Variants in SLC5A4 observed in about 807,000 individuals in gnomAD.
The protein encoded by SLC5A4 is solute carrier family 5 member 4, also known as probable glucose sensor protein SLC5A4.
A neutral mutation model predicts 70.3 loss-of-function variants in SLC5A4; 55 were observed. The observed-to-expected ratio is 0.78, with a 90% CI of 0.63 to 0.98. The LOEUF (loss-of-function observed/expected upper bound fraction) is 0.98, where lower values mean the gene tolerates loss of function less well. Ranked by LOEUF, SLC5A4 falls within the 50% of genes least tolerant of loss-of-function variation. The probability of loss-of-function intolerance (pLI) is 0.00; values close to 1 mark genes in which losing one functional copy is unlikely to be tolerated. For missense variants in SLC5A4, 735 were observed against 839.2 expected (o/e 0.88, Z 1.53); for synonymous variants, 268 against 305.7 (o/e 0.88, Z 1.29).
the SLC5A4 span, among the ~76,000 whole-genome samples, chr22:32,320,637 C>G: frequency 6.6e-5 from 10 of 152,322 alleles, no homozygotes; most frequent in East Asian, 1.5e-3. Context: ...ACGCTGAGCC[C>G]TCTGCCCTGA....
intron 5 of SLC5A4, among the ~76,000 whole-genome samples, chr22:32,244,313 T>C (rs972041163): frequency 2.6e-5 from 4 of 152,202 alleles, no homozygotes; most frequent in African/African-American, 9.6e-5. Flanking sequence ...TCTGCCTGCA[T>C]TTATAGCTGT....
At chr22:32,308,845 C>T in the SLC5A4 span, among the ~76,000 whole-genome samples, 1 of 152,050 alleles carries the variant, frequency 6.6e-6, no homozygotes, top group South Asian at 2.1e-4. Flanking sequence ...CCCATGTATG[C>T]ATATGTATGC....
the SLC5A4 span, among the ~76,000 whole-genome samples, chr22:32,300,090 G>C: frequency 2.0e-5 from 3 of 151,156 alleles, no homozygotes; most frequent in African/African-American, 2.4e-5. Context: ...AGTCTGCAGA[G>C]GTTACTGCTG....
the SLC5A4 span, among the ~76,000 whole-genome samples, chr22:32,306,466 A>AG: frequency 3.4e-5 from 1 of 29,330 alleles, no homozygotes; most frequent in African/African-American, 4.5e-4. Flanking sequence ...ACTCGGTCTC[A>AG]AAAAAAAAAA....
the SLC5A4 span, chr22:32,277,279 T>C: frequency 1.3e-5 from 2 of 152,240 alleles, no homozygotes; most frequent in Non-Finnish European, 2.9e-5. Flanking sequence ...CTTTCAAACA[T>C]GTATTTCCTT....
intron 9 of SLC5A4, among the ~76,000 whole-genome samples, chr22:32,231,576 T>C (rs1430483389): frequency 6.6e-6 from 1 of 152,222 alleles, no homozygotes; most frequent in Admixed American, 6.5e-5. Context: ...ACCTTGTTGG[T>C]TTTTTGTTTT....
At chr22:32,275,955 C>G in the SLC5A4 span, among the ~76,000 whole-genome samples, 3 of 152,176 alleles carry the variant, frequency 2.0e-5, no homozygotes, top group South Asian at 6.2e-4. Flanking sequence ...ATTTGCATTT[C>G]TCTGATGGCC....
chr22:32,279,144 C>T, the SLC5A4 span, among the ~76,000 whole-genome samples: 75,280 of 151,894 alleles, frequency 0.5, 19,289 homozygotes, highest in East Asian at 0.67. Flanking sequence ...GGCGTGGTGG[C>T]GGGCACCTGT....
At chr22:32,335,801 C>T in the SLC5A4 span, among the ~76,000 whole-genome samples, 1 of 35,614 alleles carries the variant, frequency 2.8e-5, no homozygotes, top group East Asian at 8.3e-4. Flanking sequence ...GGTGACAAGT[C>T]CCCCTCTCCC....
At chr22:32,270,394 C>T in the SLC5A4 span, 2 of 1,450,660 alleles carry the variant, frequency 1.4e-6, no homozygotes, top group African/African-American at 1.4e-5. Flanking sequence ...CTTTGAGCTT[C>T]CCGGCTGCTA....
chr22:32,230,069 C>T (rs553340517), intron 10 of SLC5A4, among the ~76,000 whole-genome samples: 3 of 152,298 alleles, frequency 2.0e-5, no homozygotes, highest in Non-Finnish European at 4.4e-5. Flanking sequence ...GGAACTTCAT[C>T]CTCCAGTTCC....
Position 32,225,690 on chromosome 22 carries a change from C to CA in SLC5A4, c.1413dup (p.Val472CysfsTer7). The CA allele has an allele frequency of 6.2e-7, 1 of 1,613,276 alleles. No homozygotes were observed. The highest frequency in any genetic ancestry group is 1.1e-5 in the South Asian group (1 of 90,880). On this transcript the variant is annotated frameshift_variant, in exon 12 of 15. Coordinates refer to ENST00000266086, the MANE Select transcript of SLC5A4 (RefSeq NM_014227.3). LOFTEE classifies it high-confidence loss of function. ...ACTCTTTTACAGAAGATGGCAAGCACAAAGACAGCTGCAATTGGAGGCCCA... is the reference window on the plus strand; with the variant it reads ...ACTCTTTTACAGAAGATGGCAAGCACAAAAGACAGCTGCAATTGGAGGCCCA...
chr22:32,271,258 G>A, the SLC5A4 span: 1 of 787,258 alleles, frequency 1.3e-6, no homozygotes, highest in East Asian at 2.9e-5. Context: ...GGTCCTCATG[G>A]ACAGCTCCTT....
the SLC5A4 span, among the ~76,000 whole-genome samples, chr22:32,343,282 T>C: frequency 6.6e-6 from 1 of 152,216 alleles, no homozygotes; most frequent in African/African-American, 2.4e-5. Context: ...GTCAGAAATC[T>C]GCTAGATGGG....
chr22:32,254,631 C>T (rs745483773), intron 1 of SLC5A4, among the ~76,000 whole-genome samples: 3 of 152,074 alleles, frequency 2.0e-5, no homozygotes, highest in South Asian at 4.2e-4. Context: ...GGTGAAACCC[C>T]GTCTCTACTA....
chr22:32,337,651 T>C, the SLC5A4 span, among the ~76,000 whole-genome samples: 1 of 152,288 alleles, frequency 6.6e-6, no homozygotes, highest in Non-Finnish European at 1.5e-5. Context: ...TGAACACTTA[T>C]GCACAGGGGC....
At chr22:32,320,607 G>A in the SLC5A4 span, among the ~76,000 whole-genome samples, 1 of 152,190 alleles carries the variant, frequency 6.6e-6, no homozygotes, top group Non-Finnish European at 1.5e-5. Context: ...TTCATGATTT[G>A]TGGCATTAAT....
At chr22:32,349,594 A>G in the SLC5A4 span, among the ~76,000 whole-genome samples, 1 of 152,240 alleles carries the variant, frequency 6.6e-6, no homozygotes, top group Non-Finnish European at 1.5e-5. Context: ...CATTTTACCA[A>G]TAACTTTTAA....
rs375829986 is a variant in SLC5A4, at chr22:32,254,202, C to T, written c.147G>A (p.Lys49=). The change falls in exon 2 of 15, where the codon AAG becomes AAA. Residue 49 remains lysine, a synonymous_variant. Transcript: ENST00000266086. ...VMAVGLWAML[K]TNRGTIGGFF... ...AGCCTCCTATAGTACCTCGGTTGGTCTTCAGCATCGCCTGAGCAGAAGGGA... is the reference window on the plus strand; with the variant it reads ...AGCCTCCTATAGTACCTCGGTTGGTTTTCAGCATCGCCTGAGCAGAAGGGA... 1.9e-6 allele frequency: 3 copies of T among 1,613,808 alleles called. No homozygotes were observed. Among genetic ancestry groups the T allele is most frequent in the East Asian group, 2.2e-5 (1 of 44,860 alleles).
Sources: gnomAD v4.1 joint callset for allele counts (sites outside exome capture counted in the v4.1 genomes callset) on GRCh38, gnomAD v4.1.1 for gene constraint, MANE v1.5 for transcripts, NCBI Gene and HGNC (gene_info 2026-07-23, HGNC 2026-07-21) for gene names.